ST6GALNAC3: variants seen among roughly 807,000 people sequenced by gnomAD.
ST6GALNAC3 encodes the protein alpha-N-acetylgalactosaminide alpha-2,6-sialyltransferase 3.
ST6GALNAC3 carries 25 observed loss-of-function variants against 32.7 expected under a neutral mutation model. That is an observed-to-expected ratio of 0.76 (90% CI 0.56 to 1.07). The LOEUF (loss-of-function observed/expected upper bound fraction) is 1.07, where lower values mean the gene tolerates loss of function less well. ST6GALNAC3 is among the 50% of genes least tolerant of loss of function. ST6GALNAC3 has a pLI of 0.00. For synonymous variants in ST6GALNAC3, 129 were observed against 133.1 expected, an observed-to-expected ratio of 0.97 and a Z score of 0.21; for missense variants, 355 against 382.4, an observed-to-expected ratio of 0.93 and a Z score of 0.60.
chr1:76,469,315 C>A (rs1352948037), intron 3 of ST6GALNAC3, among the ~76,000 whole-genome samples: 3 of 151,974 alleles, frequency 2.0e-5, no homozygotes. Context: ...GGGACGATAT[C>A]TAATAGTACA....
chr1:76,424,369 A>G (rs958740867), intron 3 of ST6GALNAC3, among the ~76,000 whole-genome samples: 6 of 151,870 alleles, frequency 4.0e-5, no homozygotes, highest in Non-Finnish European at 7.4e-5. Flanking sequence ...AGAAATGACT[A>G]TATAACTGGT....
chr1:76,277,504 A>G (rs1006066973), intron 1 of ST6GALNAC3, among the ~76,000 whole-genome samples: 4 of 135,802 alleles, frequency 2.9e-5, no homozygotes, highest in Middle Eastern at 3.5e-3. Flanking sequence ...GGTCAATTAA[A>G]GACATATATG....
intron 3 of ST6GALNAC3, among the ~76,000 whole-genome samples, chr1:76,441,342 A>T (rs571315544): frequency 1.3e-5 from 2 of 152,270 alleles, no homozygotes; most frequent in Admixed American, 1.3e-4. Flanking sequence ...AGGCAGGTAT[A>T]ATTATTGTCT....
At chr1:76,378,659 T>TC (rs769233670) in intron 2 of ST6GALNAC3, among the ~76,000 whole-genome samples, 120 of 102,274 alleles carry the variant, frequency 1.2e-3, no homozygotes, top group East Asian at 3.3e-3. Flanking sequence ...CGAAATTCCT[T>TC]CCCCCCCCCA....
intron 3 of ST6GALNAC3, among the ~76,000 whole-genome samples, chr1:76,420,538 A>G (rs1392027660): frequency 6.6e-6 from 1 of 152,068 alleles, no homozygotes; most frequent in Non-Finnish European, 1.5e-5. Context: ...GATCTAGCAT[A>G]GCGGTGGTTA....
chr1:76,495,584 C>A (rs1240472902), intron 3 of ST6GALNAC3, among the ~76,000 whole-genome samples: 3 of 152,032 alleles, frequency 2.0e-5, no homozygotes, highest in African/African-American at 7.2e-5. Flanking sequence ...AATTCAGGCC[C>A]CTTTCATGTG....
intron 3 of ST6GALNAC3, among the ~76,000 whole-genome samples, chr1:76,568,076 C>T (rs1368213869): frequency 2.0e-5 from 3 of 152,172 alleles, no homozygotes; most frequent in Non-Finnish European, 4.4e-5. Flanking sequence ...CTTATTCTTT[C>T]ATATTCCCAG....
At chr1:76,457,953 C>T (rs1285747269) in intron 3 of ST6GALNAC3, among the ~76,000 whole-genome samples, 127 of 150,244 alleles carry the variant, frequency 8.5e-4, no homozygotes, top group Middle Eastern at 3.4e-3. Flanking sequence ...AGGCAACCTA[C>T]AAAATGGGAG....
chr1:76,479,017 C>T (rs1212938671), intron 3 of ST6GALNAC3, among the ~76,000 whole-genome samples: 2 of 152,010 alleles, frequency 1.3e-5, no homozygotes, highest in Non-Finnish European at 2.9e-5. Flanking sequence ...CCCACCTTGG[C>T]CTCCCAAAGT....
At chr1:76,405,346 T>TTATTCTATTG (rs1653747663) in intron 2 of ST6GALNAC3, among the ~76,000 whole-genome samples, 1 of 152,100 alleles carries the variant, frequency 6.6e-6, no homozygotes, top group Non-Finnish European at 1.5e-5. Context: ...TTTTAATTAT[T>TTATTCTATTG]TATTCTATTG....
intron 3 of ST6GALNAC3, among the ~76,000 whole-genome samples, chr1:76,613,915 G>A (rs1369882816): frequency 6.6e-6 from 1 of 152,204 alleles, no homozygotes; most frequent in Non-Finnish European, 1.5e-5. Flanking sequence ...TAAGGCTTAT[G>A]GAACTTCAAG....
chr1:76,254,491 C>T (rs1040909151), intron 1 of ST6GALNAC3, among the ~76,000 whole-genome samples: 1 of 152,084 alleles, frequency 6.6e-6, no homozygotes, highest in African/African-American at 2.4e-5. Context: ...GCAGAGTTTA[C>T]ATTGGATGAA....
chr1:76,159,290 G>C (rs1485500387), intron 1 of ST6GALNAC3, among the ~76,000 whole-genome samples: 1 of 152,194 alleles, frequency 6.6e-6, no homozygotes, highest in Non-Finnish European at 1.5e-5. Context: ...CCAGGTTCAA[G>C]AGATTCTCAT....
chr1:76,184,318 C>A (rs1653390417), intron 1 of ST6GALNAC3, among the ~76,000 whole-genome samples: 1 of 152,080 alleles, frequency 6.6e-6, no homozygotes, highest in Non-Finnish European at 1.5e-5. Context: ...GCAGGAGGAT[C>A]ATTTGAGGTC....
At chr1:76,496,157 A>G (rs1265946885) in intron 3 of ST6GALNAC3, among the ~76,000 whole-genome samples, 3 of 152,172 alleles carry the variant, frequency 2.0e-5, no homozygotes, top group African/African-American at 7.2e-5. Flanking sequence ...CTCCCTCCAT[A>G]TGGAAAAATC....
At chr1:76,438,296 C>G (rs1414519529) in intron 3 of ST6GALNAC3, among the ~76,000 whole-genome samples, 1 of 152,030 alleles carries the variant, frequency 6.6e-6, no homozygotes, top group African/African-American at 2.4e-5. Context: ...GGACTACAGG[C>G]GCCCGCCACC....
chr1:76,225,897 A>G (rs1047859532), intron 1 of ST6GALNAC3, among the ~76,000 whole-genome samples: 2 of 152,114 alleles, frequency 1.3e-5, no homozygotes, highest in African/African-American at 4.8e-5. Flanking sequence ...GCCTCATTTC[A>G]CTGGACTTCA....
chr1:76,163,003 G>T (rs1651906620), intron 1 of ST6GALNAC3, among the ~76,000 whole-genome samples: 2 of 152,218 alleles, frequency 1.3e-5, no homozygotes, highest in African/African-American at 4.8e-5. Context: ...AAAGTCCTGC[G>T]TGGGTCTTGT....
chr1:76,268,185 T>C (rs1658644393), intron 1 of ST6GALNAC3, among the ~76,000 whole-genome samples: 1 of 152,224 alleles, frequency 6.6e-6, no homozygotes, highest in Admixed American at 6.5e-5. Flanking sequence ...CTTTCTCCAC[T>C]AATAAACCGA....
Sources: allele counts gnomAD v4.1 joint callset (sites outside exome capture counted in the v4.1 genomes callset), GRCh38; gene constraint gnomAD v4.1.1; transcripts MANE v1.5; gene names NCBI Gene and HGNC (gene_info 2026-07-23, HGNC 2026-07-21).